TANC2: variants seen among roughly 807,000 people sequenced by gnomAD.
The protein encoded by TANC2 is tetratricopeptide repeat, ankyrin repeat and coiled-coil containing 2.
A neutral mutation model predicts 210.5 loss-of-function variants in TANC2; 26 were observed. The observed-to-expected ratio is 0.12, with a 90% CI of 0.09 to 0.17. The LOEUF (loss-of-function observed/expected upper bound fraction) is 0.17, where lower values mean the gene tolerates loss of function less well. Ranked by LOEUF, TANC2 falls within the 10% of genes least tolerant of loss-of-function variation. The probability of loss-of-function intolerance (pLI) is 1.00; values close to 1 mark genes in which losing one functional copy is unlikely to be tolerated. For missense variants in TANC2, 2,129 were observed against 2,608.9 expected (o/e 0.82, Z 4.01); for synonymous variants, 931 against 967.1 (o/e 0.96, Z 0.69).
At chr17:63,189,529 G>A (rs1208177532) in intron 5 of TANC2, among the ~76,000 whole-genome samples, 1 of 152,080 alleles carries the variant, frequency 6.6e-6, no homozygotes, top group Non-Finnish European at 1.5e-5. Context: ...ATCCTTTCAT[G>A]TACTTATTGA....
At chr17:63,426,467 C>A (rs2147467699) in exon 28 of TANC2, 1 of 152,352 alleles carries the variant, frequency 6.6e-6, no homozygotes, top group Middle Eastern at 3.4e-3. Flanking sequence ...TTCATCAACT[C>A]CTTTTGTCAT....
intron 7 of TANC2, among the ~76,000 whole-genome samples, chr17:63,215,713 A>ATTTTG (rs930001813): frequency 9.2e-5 from 14 of 151,428 alleles, no homozygotes; most frequent in Non-Finnish European, 1.3e-4. Context: ...ATTTTATTTT[A>ATTTTG]TTTTGTTTTG....
intron 5 of TANC2, chr17:63,182,450 T>C: frequency 3.6e-6 from 1 of 278,482 alleles, no homozygotes; most frequent in Non-Finnish European, 7.1e-6. Context: ...TGGCGTCACA[T>C]TCCTGTAACC....
At chr17:63,190,724 C>T (rs1379984683) in intron 5 of TANC2, among the ~76,000 whole-genome samples, 1 of 152,040 alleles carries the variant, frequency 6.6e-6, no homozygotes, top group Admixed American at 6.5e-5. Flanking sequence ...AACCATAATG[C>T]ACCCTCCCCC....
intron 12 of TANC2, among the ~76,000 whole-genome samples, chr17:63,341,849 A>G (rs1350675515): frequency 2.6e-5 from 4 of 152,242 alleles, no homozygotes; most frequent in Admixed American, 6.5e-5. Flanking sequence ...TTGTTCTGAC[A>G]TTCAAGATGC....
chr17:63,124,429 T>C (rs1310022767), intron 4 of TANC2, among the ~76,000 whole-genome samples: 1 of 152,194 alleles, frequency 6.6e-6, no homozygotes, highest in Non-Finnish European at 1.5e-5. Flanking sequence ...TTTCTTGACA[T>C]ATGATTCTGC....
intron 11 of TANC2, among the ~76,000 whole-genome samples, chr17:63,338,230 C>G (rs1055452279): frequency 6.6e-6 from 1 of 152,190 alleles, no homozygotes; most frequent in Non-Finnish European, 1.5e-5. Flanking sequence ...TACACTCCCA[C>G]CAACAGTGTA....
rs116020190 is a variant in TANC2, at chr17:63,030,876, T to A, written c.67+21250T>A. On this transcript the variant is annotated intron_variant, in intron 2 of 27. Transcript: ENST00000689528. The stretch of plus-strand genomic sequence containing the variant: ...TTAGCAGTCTTTCTCATACCAAGAG[T>A]TAGAAGGACAAGCCCAAATTTGCCT... 4.1e-3 allele frequency among the ~76,000 whole-genome samples: 625 copies of A among 152,082 alleles called. 5 individuals carry two copies. Among genetic ancestry groups the A allele is most frequent in the African/African-American group, 0.013 (542 of 41,482 alleles).
At chr17:63,030,550 G>A (rs1030639040) in intron 2 of TANC2, among the ~76,000 whole-genome samples, 2 of 152,020 alleles carry the variant, frequency 1.3e-5, no homozygotes, top group African/African-American at 4.8e-5. Context: ...CCCTTTTTAA[G>A]TTAAGGGAAA....
exon 28 of TANC2, chr17:63,423,561 G>C (rs2049075259): frequency 1.3e-5 from 2 of 152,178 alleles, no homozygotes; most frequent in African/African-American, 4.8e-5. Flanking sequence ...CTGCAGGAAG[G>C]GCAGTTTCCT....
At chr17:63,369,532 G>A (rs950789979) in intron 14 of TANC2, among the ~76,000 whole-genome samples, 1 of 151,476 alleles carries the variant, frequency 6.6e-6, no homozygotes, top group African/African-American at 2.4e-5. Context: ...ACAATCTTGT[G>A]GAAAGGAATA....
chr17:63,348,688 G>C (rs2046495106), intron 12 of TANC2, among the ~76,000 whole-genome samples: 1 of 152,094 alleles, frequency 6.6e-6, no homozygotes, highest in Non-Finnish European at 1.5e-5. Flanking sequence ...TTCTTACATG[G>C]CAAAATACGA....
chr17:63,273,157 A>G (rs1188518841), intron 9 of TANC2, among the ~76,000 whole-genome samples: 1 of 152,072 alleles, frequency 6.6e-6, no homozygotes, highest in Non-Finnish European at 1.5e-5. Context: ...TTAGCCATGC[A>G]TGGTGGTAGT....
chr17:63,302,876 G>T (rs1017804629), intron 9 of TANC2, among the ~76,000 whole-genome samples: 5 of 151,886 alleles, frequency 3.3e-5, no homozygotes, highest in African/African-American at 1.2e-4. Flanking sequence ...GGATCCTCCT[G>T]CCTCAGCCCC....
At chr17:63,279,027 A>G (rs2043979595) in intron 9 of TANC2, among the ~76,000 whole-genome samples, 1 of 152,118 alleles carries the variant, frequency 6.6e-6, no homozygotes, top group African/African-American at 2.4e-5. Context: ...GCTGTACAAC[A>G]TTGTGCTTAT....
intron 2 of TANC2, among the ~76,000 whole-genome samples, chr17:63,023,793 C>A (rs538731311): frequency 3.9e-5 from 6 of 152,258 alleles, no homozygotes; most frequent in African/African-American, 9.6e-5. Flanking sequence ...GATTTGGTGG[C>A]AGAGGATACT....
chr17:63,123,273 G>A (rs889819267), intron 4 of TANC2, among the ~76,000 whole-genome samples: 1 of 152,042 alleles, frequency 6.6e-6, no homozygotes, highest in Non-Finnish European at 1.5e-5. Context: ...GAGGGGAAAT[G>A]TGGGCCAGGC....
intron 9 of TANC2, among the ~76,000 whole-genome samples, chr17:63,282,270 TA>T (rs1390677495): frequency 1.3e-5 from 2 of 151,980 alleles, no homozygotes; most frequent in African/African-American, 4.8e-5. Context: ...CACAAATTAC[TA>T]ATATCAGGAA....
At position 63,328,533 on chromosome 17, in the gene TANC2, CAG is replaced by C. The variant is rs560642867; in HGVS notation, c.1575+9445_1575+9446del. 1.9e-3 allele frequency among the ~76,000 whole-genome samples: 284 copies of C among 151,862 alleles called. 1 individual carries two copies. The highest frequency in any genetic ancestry group is 6.6e-3 in the African/African-American group (273 of 41,404). On this transcript the variant is annotated intron_variant, in intron 11 of 27. Coordinates refer to ENST00000689528, the Ensembl canonical transcript of TANC2. ...TATGCTAAGTTAAATAAGCCAGAAA[CAG>C]AAAGACAAATACTGCATGATCTTTC...
Sources: allele counts gnomAD v4.1 joint callset (sites outside exome capture counted in the v4.1 genomes callset), GRCh38; gene constraint gnomAD v4.1.1; transcripts MANE v1.5; gene names NCBI Gene and HGNC (gene_info 2026-07-23, HGNC 2026-07-21).